Variants in RSPO2 observed in about 807,000 individuals in gnomAD.
The protein encoded by RSPO2 is R-spondin 2, also known as R-spondin-2.
A neutral mutation model predicts 30.9 loss-of-function variants in RSPO2; 14 were observed. The ratio of observed to expected loss-of-function variants is 0.45; its 90% CI spans 0.30 to 0.71. The LOEUF is 0.71. Ranked by LOEUF, RSPO2 falls within the 30% of genes least tolerant of loss-of-function variation. RSPO2 has a pLI of 0.08. For synonymous variants in RSPO2, 107 were observed against 96.4 expected, an observed-to-expected ratio of 1.11 and a Z score of -0.64; for missense variants, 264 against 301.9, an observed-to-expected ratio of 0.87 and a Z score of 0.93.
chr8:107,934,650 G>A (rs1184988994), intron 5 of RSPO2, among the ~76,000 whole-genome samples: 1 of 152,200 alleles, frequency 6.6e-6, no homozygotes, highest in Non-Finnish European at 1.5e-5. Context: ...GGGATTACAG[G>A]TGTGAGCCAC....
chr8:107,928,172 T>G (rs543524415), intron 5 of RSPO2, among the ~76,000 whole-genome samples: 2 of 152,256 alleles, frequency 1.3e-5, no homozygotes, highest in East Asian at 3.9e-4. Flanking sequence ...TTATTTGAAC[T>G]CTGAACCCCC....
At chr8:108,063,741 A>G (rs978535074) in intron 2 of RSPO2, among the ~76,000 whole-genome samples, 98 of 152,102 alleles carry the variant, frequency 6.4e-4, no homozygotes, top group Admixed American at 9.8e-4. Context: ...AGCCAAAAGA[A>G]CAAAGCTGGA....
chr8:107,909,427 T>A (rs774948325), intron 5 of RSPO2, among the ~76,000 whole-genome samples: 33 of 152,054 alleles, frequency 2.2e-4, no homozygotes, highest in Non-Finnish European at 4.4e-4. Flanking sequence ...CATGCCTGGA[T>A]ACTTTTTGTA....
chr8:107,978,862 T>C (rs1211297296), intron 3 of RSPO2, among the ~76,000 whole-genome samples: 3 of 152,026 alleles, frequency 2.0e-5, no homozygotes, highest in Non-Finnish European at 2.9e-5. Flanking sequence ...CATCAAAAAG[T>C]GGGCAAAGGA....
At chr8:108,027,299 G>C (rs1179192918) in intron 2 of RSPO2, among the ~76,000 whole-genome samples, 1 of 152,178 alleles carries the variant, frequency 6.6e-6, no homozygotes, top group Non-Finnish European at 1.5e-5. Context: ...GTTATTGAAT[G>C]AAAGACATTG....
At position 108,041,380 on chromosome 8, in the gene RSPO2, A is replaced by C. The variant is rs531450822; in HGVS notation, c.94+41165T>G. ...ATACCTAAAACTCTTTGAAAACAAA[A>C]AAGCAGATGGTGCTGGGGAATGAGA... On this transcript the variant is annotated intron_variant, in intron 2 of 5. Transcript: ENST00000276659. Among the ~76,000 whole-genome samples the C allele has an allele frequency of 7.9e-5, 12 of 152,230 alleles. No individual in the cohort carries two copies. In the East Asian group the frequency reaches 2.1e-3, roughly 27 times the overall value.
chr8:107,976,059 G>A (rs1367966618), intron 3 of RSPO2, among the ~76,000 whole-genome samples: 2 of 152,220 alleles, frequency 1.3e-5, no homozygotes, highest in Non-Finnish European at 2.9e-5. Context: ...GTTAACCCAT[G>A]AAGTGCCTTC....
intron 3 of RSPO2, among the ~76,000 whole-genome samples, chr8:107,963,693 C>T (rs111707754): frequency 1.1e-4 from 16 of 151,876 alleles, no homozygotes; most frequent in African/African-American, 3.1e-4. Context: ...GAATCATATC[C>T]TTTATAATTA....
At position 108,036,437 on chromosome 8, in the gene RSPO2, C is replaced by T. The variant is rs10112518; in HGVS notation, c.94+46108G>A. Among the ~76,000 whole-genome samples, 587 of 152,312 alleles carry T rather than the reference C, an allele frequency of 3.9e-3. 2 individuals carry two copies. The highest frequency in any genetic ancestry group is 0.013 in the African/African-American group (554 of 41,560). On this transcript the variant is annotated intron_variant, in intron 2 of 5. Coordinates refer to ENST00000276659, the MANE Select transcript of RSPO2 (RefSeq NM_178565.5). ...ACTGACCATCTTTCAAGTTTCTGCA[C>T]CTATGACAACCATTTCTGTCAAGAC...
intron 3 of RSPO2, among the ~76,000 whole-genome samples, chr8:107,964,021 A>G (rs1446598735): frequency 1.3e-5 from 2 of 152,194 alleles, no homozygotes; most frequent in Non-Finnish European, 2.9e-5. Flanking sequence ...GAAAAAACTA[A>G]ATAAAATATT....
At chr8:107,915,148 T>C (rs185707093) in intron 5 of RSPO2, among the ~76,000 whole-genome samples, 9 of 152,306 alleles carry the variant, frequency 5.9e-5, no homozygotes, top group Non-Finnish European at 1.2e-4. Flanking sequence ...TCTGGGCATA[T>C]TGGTGAGAAG....
chr8:107,919,273 C>T (rs1374340286), intron 5 of RSPO2, among the ~76,000 whole-genome samples: 1 of 152,096 alleles, frequency 6.6e-6, no homozygotes, highest in Non-Finnish European at 1.5e-5. Context: ...ATTGAAACTA[C>T]CATTGCAAAA....
intron 3 of RSPO2, among the ~76,000 whole-genome samples, chr8:107,986,915 A>G (rs1172878162): frequency 6.6e-6 from 1 of 152,218 alleles, no homozygotes; most frequent in African/African-American, 2.4e-5. Context: ...TGAGAAATAA[A>G]TTATCAAGTA....
rs563556745 is a variant in RSPO2 at position 108,043,647 on chromosome 8, A to G, written c.94+38898T>C. ...GCACCTCTCGTCCTGAGGCATGCCA[A>G]CATTCTCTCATTCCATGTTTAATTT... On this transcript the variant is annotated intron_variant, in intron 2 of 5. Transcript: ENST00000276659. Among the ~76,000 whole-genome samples the G allele has an allele frequency of 1.1e-4, 16 of 152,206 alleles. No individual in the cohort carries two copies. In the South Asian group the frequency reaches 2.9e-3, roughly 28 times the overall value.
At chr8:108,027,446 C>A (rs902755788) in intron 2 of RSPO2, among the ~76,000 whole-genome samples, 1 of 152,134 alleles carries the variant, frequency 6.6e-6, no homozygotes, top group African/African-American at 2.4e-5. Context: ...TGACCAGATT[C>A]AGGAGTAACA....
At chr8:107,927,917 T>C (rs192624928) in intron 5 of RSPO2, among the ~76,000 whole-genome samples, 3 of 152,252 alleles carry the variant, frequency 2.0e-5, no homozygotes, top group Admixed American at 2.0e-4. Context: ...GGAGAGCAAC[T>C]CACATGTCCA....
intron 2 of RSPO2, among the ~76,000 whole-genome samples, chr8:108,058,185 A>T (rs1274917741): frequency 1.3e-5 from 2 of 152,290 alleles, no homozygotes; most frequent in East Asian, 3.9e-4. Context: ...CAAAAATCAC[A>T]AGCATTCTTA....
At chr8:107,976,594 G>A (rs1333042237) in intron 3 of RSPO2, among the ~76,000 whole-genome samples, 1 of 152,180 alleles carries the variant, frequency 6.6e-6, no homozygotes, top group Non-Finnish European at 1.5e-5. Flanking sequence ...CAGAATGTTA[G>A]AGCAATGATC....
At chr8:107,932,228 G>A (rs1812574530) in intron 5 of RSPO2, among the ~76,000 whole-genome samples, 1 of 152,120 alleles carries the variant, frequency 6.6e-6, no homozygotes, top group Admixed American at 6.6e-5. Context: ...GTAGAGCTGG[G>A]TTAAGAGAGG....
Sources: gnomAD v4.1 joint callset for allele counts (sites outside exome capture counted in the v4.1 genomes callset) on GRCh38, gnomAD v4.1.1 for gene constraint, MANE v1.5 for transcripts, NCBI Gene and HGNC (gene_info 2026-07-23, HGNC 2026-07-21) for gene names.